Variants in STXBP5L observed in about 807,000 individuals in gnomAD.
STXBP5L encodes the protein syntaxin-binding protein 5-like.
STXBP5L carries 65 observed loss-of-function variants against 144.5 expected under a neutral mutation model. The observed-to-expected ratio is 0.45, with a 90% CI of 0.37 to 0.55. The LOEUF (loss-of-function observed/expected upper bound fraction) is 0.55, where lower values mean the gene tolerates loss of function less well. STXBP5L is among the 20% of genes least tolerant of loss of function. The pLI is 0.00. For missense variants in STXBP5L, 1,298 were observed against 1,405.5 expected, an observed-to-expected ratio of 0.92 and a Z score of 1.22; for synonymous variants, 505 against 469.6, an observed-to-expected ratio of 1.08 and a Z score of -0.97.
rs1042103770 is a variant in STXBP5L at position 121,176,432 on chromosome 3, A to G, written c.877+18805A>G. On this transcript the variant is annotated intron_variant, in intron 9 of 26. Transcript: ENST00000471454. ...ACAAAAAGAAAACAGATAATCAATG[A>G]AACCAAAAGAGAGTTCTTTGAAAAG... 2.0e-5 allele frequency among the ~76,000 whole-genome samples: 3 copies of G among 151,430 alleles called. No individual in the cohort carries two copies. In the East Asian group the frequency reaches 5.8e-4, roughly 29 times the overall value.
At chr3:121,093,449 C>A (rs988384689) in intron 5 of STXBP5L, among the ~76,000 whole-genome samples, 3 of 152,062 alleles carry the variant, frequency 2.0e-5, no homozygotes, top group East Asian at 1.9e-4. Context: ...ACAATTTCAG[C>A]TCCTGTTATT....
chr3:121,093,803 C>T (rs565132163), intron 5 of STXBP5L, among the ~76,000 whole-genome samples: 2 of 152,036 alleles, frequency 1.3e-5, no homozygotes, highest in Admixed American at 6.6e-5. Flanking sequence ...TTATTTCTTG[C>T]CTTCTGCTAG....
chr3:121,407,229 A>G lies in STXBP5L; in HGVS notation c.2588-14A>G. On this transcript the variant is annotated splice_polypyrimidine_tract_variant and intron_variant, in intron 22 of 26. Coordinates refer to ENST00000471454, the MANE Select transcript of STXBP5L (RefSeq NM_001308330.2). ...TGAATTTGACATGTCAGTGATGTCCAATTGTTTTTATAGGTACATTCCTCT... is the reference window on the plus strand; with the variant it reads ...TGAATTTGACATGTCAGTGATGTCCGATTGTTTTTATAGGTACATTCCTCT... The G allele has an allele frequency of 1.3e-6, 2 of 1,534,152 alleles. 1 individual carries two copies. The highest frequency in any genetic ancestry group is 1.7e-6 in the Non-Finnish European group (2 of 1,144,736).
chr3:121,378,862 A>T lies in STXBP5L; in HGVS notation c.2323A>T (p.Ile775Phe). 1 of 1,613,452 alleles carries T rather than the reference A, an allele frequency of 6.2e-7. No individual in the cohort carries two copies. The highest frequency in any genetic ancestry group is 1.1e-5 in the South Asian group (1 of 91,022). ...RKAQSAACMEISLPVTTEENR... is the reference protein window; with the variant it reads ...RKAQSAACMEFSLPVTTEENR... ...GGCCCAGTCAGCAGCCTGCATGGAG[A>T]TTTCTTTACCAGTTACAACAGAAGG... The change falls in exon 21 of 27, where the codon ATT becomes TTT. Residue 775 changes from isoleucine to phenylalanine, a missense_variant. By Grantham distance (21) the Ile-to-Phe change is conservative (BLOSUM62 0). Transcript: ENST00000471454.
chr3:121,315,558 T>A (rs1249591598), intron 19 of STXBP5L, among the ~76,000 whole-genome samples: 6 of 151,652 alleles, frequency 4.0e-5, no homozygotes, highest in African/African-American at 1.5e-4. Context: ...GGGTGCAGCA[T>A]ACCAGCATGG....
At chr3:121,352,380 C>G (rs912908076) in intron 20 of STXBP5L, among the ~76,000 whole-genome samples, 1 of 152,038 alleles carries the variant, frequency 6.6e-6, no homozygotes, top group Non-Finnish European at 1.5e-5. Flanking sequence ...TTGTAGTTCT[C>G]CTTGAAGAGG....
At chr3:121,234,271 C>T (rs1025335200) in intron 12 of STXBP5L, among the ~76,000 whole-genome samples, 2 of 152,160 alleles carry the variant, frequency 1.3e-5, no homozygotes, top group African/African-American at 2.4e-5. Flanking sequence ...GTATGTTCTT[C>T]GCCCACTGAT....
chr3:121,025,463 C>T (rs1161191360), intron 3 of STXBP5L, among the ~76,000 whole-genome samples: 1 of 152,106 alleles, frequency 6.6e-6, no homozygotes, highest in Non-Finnish European at 1.5e-5. Context: ...ATAATCAGAT[C>T]TGAGCCTGAG....
intron 12 of STXBP5L, among the ~76,000 whole-genome samples, chr3:121,238,593 A>G (rs1036678603): frequency 6.6e-6 from 1 of 152,192 alleles, no homozygotes; most frequent in Non-Finnish European, 1.5e-5. Context: ...AGGATACTAA[A>G]TAAATATTTA....
At chr3:121,113,669 TTTC>T (rs1197933897) in intron 5 of STXBP5L, among the ~76,000 whole-genome samples, 2 of 143,164 alleles carry the variant, frequency 1.4e-5, no homozygotes, top group Non-Finnish European at 3.0e-5. Flanking sequence ...CTTTTTTCTT[TTTC>T]TTTTTTTTTT....
At chr3:121,362,863 TC>T (rs1207279943) in intron 20 of STXBP5L, among the ~76,000 whole-genome samples, 1 of 152,114 alleles carries the variant, frequency 6.6e-6, no homozygotes, top group Non-Finnish European at 1.5e-5. Context: ...AACTGGCAAG[TC>T]TCAGGGGTTC....
intron 2 of STXBP5L, among the ~76,000 whole-genome samples, chr3:120,912,144 C>T (rs941326889): frequency 2.6e-5 from 4 of 151,918 alleles, no homozygotes; most frequent in African/African-American, 9.7e-5. Flanking sequence ...AGTACTTGTT[C>T]GTTCCGTCAT....
chr3:120,962,573 G>C (rs1456721211), intron 3 of STXBP5L, among the ~76,000 whole-genome samples: 1 of 152,116 alleles, frequency 6.6e-6, no homozygotes, highest in Non-Finnish European at 1.5e-5. Context: ...ATTTGTCAAA[G>C]ATCAGATGGT....
chr3:121,068,290 G>T (rs1249680845), intron 5 of STXBP5L, among the ~76,000 whole-genome samples: 1 of 152,246 alleles, frequency 6.6e-6, no homozygotes, highest in African/African-American at 2.4e-5. Flanking sequence ...ACAGGCGTGA[G>T]CCAATGCACC....
chr3:121,052,858 G>T (rs1204727909), intron 5 of STXBP5L, among the ~76,000 whole-genome samples: 1 of 152,130 alleles, frequency 6.6e-6, no homozygotes, highest in African/African-American at 2.4e-5. Context: ...CATTGTCTCA[G>T]CCCAAAATCT....
At chr3:121,100,146 G>T (rs9289160) in intron 5 of STXBP5L, among the ~76,000 whole-genome samples, 15,116 of 152,122 alleles carry the variant, frequency 0.099, 1,181 homozygotes, top group Admixed American at 0.2. Flanking sequence ...TACACAATAA[G>T]AGTGAGGTCT....
chr3:121,175,635 C>A (rs1272108635), intron 9 of STXBP5L, among the ~76,000 whole-genome samples: 1 of 151,016 alleles, frequency 6.6e-6, no homozygotes, highest in African/African-American at 2.4e-5. Context: ...TCAATTAAAC[C>A]CATAGAAGGC....
chr3:121,367,739 G>C lies in STXBP5L; in HGVS notation c.2177-10977G>C, dbSNP rs1455066326. Among the ~76,000 whole-genome samples, 4 of 146,490 alleles carry C rather than the reference G, an allele frequency of 2.7e-5. No individual in the cohort carries two copies. The East Asian group carries it at 8.2e-4, about 30-fold the overall frequency. On this transcript the variant is annotated intron_variant, in intron 20 of 26. Coordinates refer to ENST00000471454, the MANE Select transcript of STXBP5L (RefSeq NM_001308330.2). Reference sequence around the variant, plus strand: ...TCCTCTTGCCTCAGCTTCCTGATTAGCTGGGACTGTAGGCATTTGCCACCA... The same window carrying C: ...TCCTCTTGCCTCAGCTTCCTGATTACCTGGGACTGTAGGCATTTGCCACCA...
At chr3:121,112,483 C>T (rs1247819940) in intron 5 of STXBP5L, among the ~76,000 whole-genome samples, 1 of 151,944 alleles carries the variant, frequency 6.6e-6, no homozygotes, top group African/African-American at 2.4e-5. Context: ...CCTATTCAGT[C>T]CCAATGAGAG....
Sources: gnomAD v4.1 joint callset for allele counts (sites outside exome capture counted in the v4.1 genomes callset) on GRCh38, gnomAD v4.1.1 for gene constraint, MANE v1.5 for transcripts, NCBI Gene and HGNC (gene_info 2026-07-23, HGNC 2026-07-21) for gene names.